The following MACROD2 variants were observed in gnomAD, a reference collection of about 807,000 sequenced individuals.
The protein encoded by MACROD2 is mono-ADP ribosylhydrolase 2, also known as ADP-ribose glycohydrolase MACROD2.
Under a neutral mutation model 70.4 loss-of-function variants are expected in MACROD2, and 36 were observed. The observed-to-expected ratio is 0.51, with a 90% CI of 0.39 to 0.68. The LOEUF is 0.68. Among genes scored for constraint, MACROD2 ranks in the 30% least tolerant of loss-of-function variants. The pLI, the probability that MACROD2 is intolerant of heterozygous loss-of-function variation, is 0.00. For synonymous variants in MACROD2, 172 were observed against 178.8 expected (o/e 0.96, Z 0.30); for missense variants, 496 against 538.4 (o/e 0.92, Z 0.78).
chr20:15,801,633 A>G (rs1385094444), intron 8 of MACROD2, among the ~76,000 whole-genome samples: 2 of 152,102 alleles, frequency 1.3e-5, no homozygotes, highest in African/African-American at 4.8e-5. Context: ...GTGAGATTGT[A>G]TGATGCCTCC....
chr20:15,129,207 A>G (rs1219187521), intron 5 of MACROD2, among the ~76,000 whole-genome samples: 3 of 152,082 alleles, frequency 2.0e-5, no homozygotes, highest in East Asian at 3.9e-4. Context: ...TGTATTTAAT[A>G]TATGGATTGA....
rs147626475 is a variant in MACROD2, at chr20:16,028,455, A to G, written c.1154-12746A>G. ...AGAGTAGTTATTCTGACGATGACTG[A>G]TGAAGCATTTCCAAACCATTCTCAA... is the stretch of plus-strand genomic sequence containing the variant. On this transcript the variant is annotated intron_variant, in intron 15 of 17. Transcript: ENST00000684519. Among the ~76,000 whole-genome samples, 615 of 151,426 alleles carry G rather than the reference A, an allele frequency of 4.1e-3. 4 individuals are homozygous for G. The highest frequency in any genetic ancestry group is 0.013 in the African/African-American group (533 of 41,276).
intron 3 of MACROD2, among the ~76,000 whole-genome samples, chr20:14,204,946 G>A (rs2081510940): frequency 6.6e-6 from 1 of 152,008 alleles, no homozygotes; most frequent in South Asian, 2.1e-4. Flanking sequence ...ACATAACTAT[G>A]GATTAGAGAG....
chr20:14,204,275 G>A (rs2081504780), intron 3 of MACROD2, among the ~76,000 whole-genome samples: 1 of 152,170 alleles, frequency 6.6e-6, no homozygotes, highest in Admixed American at 6.5e-5. Flanking sequence ...TTGAGTATCG[G>A]ATACTGTGTG....
chr20:15,036,996 T>C (rs999253738), intron 5 of MACROD2, among the ~76,000 whole-genome samples: 3 of 152,026 alleles, frequency 2.0e-5, no homozygotes, highest in African/African-American at 7.2e-5. Flanking sequence ...ATAAAAATTA[T>C]GTTTTTAATA....
intron 3 of MACROD2, among the ~76,000 whole-genome samples, chr20:14,287,383 AATG>A (rs148121991): frequency 6.1e-4 from 92 of 151,328 alleles, no homozygotes; most frequent in South Asian, 3.4e-3. Context: ...ATGATTAGGA[AATG>A]ATGATGATGA....
At chr20:15,581,772 C>T (rs191123449) in intron 8 of MACROD2, among the ~76,000 whole-genome samples, 1 of 152,118 alleles carries the variant, frequency 6.6e-6, no homozygotes, top group African/African-American at 2.4e-5. Context: ...GTTGCCAGCT[C>T]TGCAGTTGCT....
chr20:15,398,356 A>G (rs1450730047), intron 6 of MACROD2, among the ~76,000 whole-genome samples: 1 of 152,190 alleles, frequency 6.6e-6, no homozygotes, highest in East Asian at 1.9e-4. Context: ...ATTGTTATTA[A>G]GTAGTTTAGC....
intron 8 of MACROD2, among the ~76,000 whole-genome samples, chr20:15,729,831 C>CTTTTT (rs61542762): frequency 7.7e-5 from 5 of 64,778 alleles, no homozygotes; most frequent in Non-Finnish European, 1.1e-4. Context: ...TTGGGTCATG[C>CTTTTT]TTTTTTTTTT....
intron 8 of MACROD2, among the ~76,000 whole-genome samples, chr20:15,845,675 T>C (rs2064223300): frequency 6.6e-6 from 1 of 152,162 alleles, no homozygotes; most frequent in South Asian, 2.1e-4. Flanking sequence ...TGTCCAATAA[T>C]AGTTTTGCAT....
chr20:15,680,334 T>G (rs2050143946), intron 8 of MACROD2, among the ~76,000 whole-genome samples: 1 of 152,158 alleles, frequency 6.6e-6, no homozygotes, highest in African/African-American at 2.4e-5. Flanking sequence ...AGTAGTATCA[T>G]TCTTACCTTG....
intron 8 of MACROD2, among the ~76,000 whole-genome samples, chr20:15,779,534 C>A (rs1300827346): frequency 1.3e-5 from 2 of 152,058 alleles, no homozygotes; most frequent in African/African-American, 4.8e-5. Flanking sequence ...TCTCTGCAGC[C>A]AGTAACAATT....
intron 3 of MACROD2, among the ~76,000 whole-genome samples, chr20:14,248,366 C>T (rs907409467): frequency 6.6e-6 from 1 of 152,120 alleles, no homozygotes; most frequent in Non-Finnish European, 1.5e-5. Context: ...GGTGGATCAC[C>T]TGAGATCAAG....
chr20:15,737,085 A>T (rs2051032418), intron 8 of MACROD2, among the ~76,000 whole-genome samples: 1 of 152,200 alleles, frequency 6.6e-6, no homozygotes, highest in African/African-American at 2.4e-5. Flanking sequence ...GGCTTTGGTT[A>T]TTGATTGTAT....
intron 9 of MACROD2, among the ~76,000 whole-genome samples, chr20:15,876,321 T>C (rs1201991347): frequency 6.6e-6 from 1 of 151,908 alleles, no homozygotes; most frequent in African/African-American, 2.4e-5. Context: ...TGTCCAAGTG[T>C]TCTCATTGTT....
rs148271810 is a variant in MACROD2 at position 14,633,603 on chromosome 20, G to T, written c.302-51240G>T. On this transcript the variant is annotated intron_variant, in intron 4 of 17. Coordinates refer to ENST00000684519, the MANE Select transcript of MACROD2 (RefSeq NM_001351661.2). ...AACCAAATTCATCATCTTTTTTCCTGAGGTAGCAACTCCTCTTGGCTCCGA... is the reference window on the plus strand; with the variant it reads ...AACCAAATTCATCATCTTTTTTCCTTAGGTAGCAACTCCTCTTGGCTCCGA... Among the ~76,000 whole-genome samples, 13 of 152,114 alleles carry T rather than the reference G, an allele frequency of 8.5e-5. No individual in the cohort carries two copies. The East Asian group carries it at 2.5e-3, about 29-fold the overall frequency.
intron 6 of MACROD2, among the ~76,000 whole-genome samples, chr20:15,353,704 C>T (rs28846483): frequency 0.15 from 20,522 of 136,892 alleles, 1,891 homozygotes; most frequent in East Asian, 0.43. Flanking sequence ...TGAACAGACA[C>T]TTCTCAAAAG....
At chr20:14,521,621 C>G (rs1303788964) in intron 4 of MACROD2, among the ~76,000 whole-genome samples, 4 of 152,160 alleles carry the variant, frequency 2.6e-5, no homozygotes, top group Admixed American at 6.5e-5. Context: ...AGTGTGTATG[C>G]ATTGATGTGA....
intron 5 of MACROD2, among the ~76,000 whole-genome samples, chr20:15,026,541 G>T (rs550554628): frequency 1.3e-5 from 2 of 151,428 alleles, no homozygotes; most frequent in South Asian, 2.1e-4. Flanking sequence ...TTTACTATCG[G>T]TTCCCATTCA....
Sources: gnomAD v4.1 joint callset for allele counts (sites outside exome capture counted in the v4.1 genomes callset) on GRCh38, gnomAD v4.1.1 for gene constraint, MANE v1.5 for transcripts, NCBI Gene and HGNC (gene_info 2026-07-23, HGNC 2026-07-21) for gene names.